The following LDLRAD3 variants were observed in gnomAD, a reference collection of about 807,000 sequenced individuals.
LDLRAD3 encodes low density lipoprotein receptor class A domain containing 3.
In LDLRAD3, 20 loss-of-function variants were observed where a neutral mutation model predicts 29.4. That is an observed-to-expected ratio of 0.68 (90% CI 0.48 to 0.99). The LOEUF is 0.99. Among genes scored for constraint, LDLRAD3 ranks in the 50% least tolerant of loss-of-function variants. The pLI is 0.00. For missense variants in LDLRAD3, 420 were observed against 454.3 expected (o/e 0.92, Z 0.69); for synonymous variants, 157 against 192.7 (o/e 0.81, Z 1.53).
intron 4 of LDLRAD3, among the ~76,000 whole-genome samples, chr11:36,149,582 G>A (rs1455344543): frequency 1.3e-5 from 2 of 152,184 alleles, no homozygotes; most frequent in East Asian, 1.9e-4. Context: ...GAATCTGTTC[G>A]CTGCTCCTAT....
Position 35,976,888 on chromosome 11 carries a change from A to C in LDLRAD3, c.46+32744A>C, listed in dbSNP as rs150026707. 5.1e-4 allele frequency among the ~76,000 whole-genome samples: 77 copies of C among 152,208 alleles called. 2 individuals carry two copies. In the East Asian group the frequency reaches 0.012, roughly 23 times the overall value. The stretch of plus-strand genomic sequence containing the variant: ...TGTGTACACACATGTCCATGCATGC[A>C]TGTGTCTGTGTTTAGCTGTGTTGCT... On this transcript the variant is annotated intron_variant, in intron 1 of 5. Coordinates refer to ENST00000315571, the MANE Select transcript of LDLRAD3 (RefSeq NM_174902.4).
At position 36,072,144 on chromosome 11, in the gene LDLRAD3, G is replaced by A. The variant is rs150734926; in HGVS notation, c.194-9509G>A. On this transcript the variant is annotated intron_variant, in intron 2 of 5. Transcript: ENST00000315571. ...GGGGCAGGAGTGGGAGGTGAGCAGG[G>A]GTTGAAGGTGAGTAGCTGTTGCTCA... Among the ~76,000 whole-genome samples, 7 of 152,288 alleles carry A rather than the reference G, an allele frequency of 4.6e-5. No homozygotes were observed. The East Asian group carries it at 1.4e-3, about 29-fold the overall frequency.
chr11:36,201,796 AAG>A (rs1855130440), intron 4 of LDLRAD3, among the ~76,000 whole-genome samples: 1 of 152,194 alleles, frequency 6.6e-6, no homozygotes, highest in Admixed American at 6.5e-5. Context: ...CAAAATATAA[AAG>A]AGGCAGTTGC....
chr11:36,177,813 G>A (rs1374186049), intron 4 of LDLRAD3, among the ~76,000 whole-genome samples: 1 of 152,206 alleles, frequency 6.6e-6, no homozygotes, highest in Non-Finnish European at 1.5e-5. Flanking sequence ...CTCCCGATTG[G>A]TTGGACTCCA....
At chr11:36,088,154 C>T (rs966026455) in intron 3 of LDLRAD3, among the ~76,000 whole-genome samples, 6 of 152,082 alleles carry the variant, frequency 3.9e-5, no homozygotes, top group Admixed American at 2.0e-4. Flanking sequence ...CCCACCCAGC[C>T]CCCCAAAACC....
intron 4 of LDLRAD3, among the ~76,000 whole-genome samples, chr11:36,217,045 TA>T (rs1359755282): frequency 6.6e-6 from 1 of 152,174 alleles, no homozygotes; most frequent in Non-Finnish European, 1.5e-5. Context: ...TCTCTGTTAA[TA>T]AAATGGCACA....
chr11:35,989,694 A>C (rs1851663577), intron 1 of LDLRAD3, among the ~76,000 whole-genome samples: 1 of 151,984 alleles, frequency 6.6e-6, no homozygotes, highest in Non-Finnish European at 1.5e-5. Context: ...TCTTGATTTG[A>C]CTCTCAGCTA....
intron 4 of LDLRAD3, among the ~76,000 whole-genome samples, chr11:36,190,147 TAAAAC>T (rs1390737040): frequency 6.6e-6 from 1 of 151,790 alleles, no homozygotes; most frequent in African/African-American, 2.4e-5. Flanking sequence ...GAAGGAAACT[TAAAAC>T]AGAAAAACCT....
chr11:36,129,016 G>C (rs1163738011), intron 4 of LDLRAD3, among the ~76,000 whole-genome samples: 1 of 152,132 alleles, frequency 6.6e-6, no homozygotes, highest in Non-Finnish European at 1.5e-5. Flanking sequence ...AATGGACAAA[G>C]TCAAGAGATG....
intron 4 of LDLRAD3, among the ~76,000 whole-genome samples, chr11:36,226,595 G>T (rs1855502148): frequency 6.6e-6 from 1 of 152,198 alleles, no homozygotes; most frequent in Non-Finnish European, 1.5e-5. Flanking sequence ...TTGCGGGGGG[G>T]AAATTTACCA....
chr11:36,040,737 C>T (rs1852370290), intron 2 of LDLRAD3, among the ~76,000 whole-genome samples: 1 of 152,156 alleles, frequency 6.6e-6, no homozygotes, highest in Admixed American at 6.5e-5. Flanking sequence ...CCTTTTCTGG[C>T]TCTTGACACC....
chr11:35,980,478 T>G (rs1851526879), intron 1 of LDLRAD3, among the ~76,000 whole-genome samples: 2 of 152,192 alleles, frequency 1.3e-5, no homozygotes. Flanking sequence ...GCTCCCCTAC[T>G]GTGAAGGTTA....
At chr11:35,958,362 C>A (rs553393193) in intron 1 of LDLRAD3, among the ~76,000 whole-genome samples, 1 of 152,114 alleles carries the variant, frequency 6.6e-6, no homozygotes, top group African/African-American at 2.4e-5. Flanking sequence ...AAAATTCTTA[C>A]GAAACAGATG....
chr11:36,039,159 C>T (rs262448), intron 2 of LDLRAD3, among the ~76,000 whole-genome samples: 100,851 of 151,698 alleles, frequency 0.66, 34,254 homozygotes, highest in Middle Eastern at 0.82. Flanking sequence ...TTAGTAGAGA[C>T]GGGGTTTCAC....
chr11:35,979,577 G>A (rs11825094), intron 1 of LDLRAD3, among the ~76,000 whole-genome samples: 2,054 of 152,240 alleles, frequency 0.013, 50 homozygotes, highest in African/African-American at 0.046. Flanking sequence ...TCAGGTTAGC[G>A]GAGCTTTAGA....
At chr11:35,972,165 A>G (rs1161613228) in intron 1 of LDLRAD3, among the ~76,000 whole-genome samples, 3 of 152,116 alleles carry the variant, frequency 2.0e-5, no homozygotes, top group Admixed American at 1.3e-4. Flanking sequence ...GTTAAGCACA[A>G]AACTCTGTGA....
At chr11:36,100,417 C>A (rs1333751009) in intron 4 of LDLRAD3, among the ~76,000 whole-genome samples, 1 of 152,182 alleles carries the variant, frequency 6.6e-6, no homozygotes, top group Non-Finnish European at 1.5e-5. Context: ...GATTGAGGAA[C>A]ATTTTCTATG....
chr11:36,169,963 A>G (rs757613557), intron 4 of LDLRAD3, among the ~76,000 whole-genome samples: 1 of 152,016 alleles, frequency 6.6e-6, no homozygotes, highest in Non-Finnish European at 1.5e-5. Context: ...TGGTACACCT[A>G]TCACCCGAGC....
intron 4 of LDLRAD3, among the ~76,000 whole-genome samples, chr11:36,162,945 G>A (rs1220332813): frequency 6.6e-6 from 1 of 152,218 alleles, no homozygotes; most frequent in African/African-American, 2.4e-5. Flanking sequence ...CAGCAGCTGT[G>A]ATGTTCAGCA....
Sources: allele counts gnomAD v4.1 joint callset (sites outside exome capture counted in the v4.1 genomes callset), GRCh38; gene constraint gnomAD v4.1.1; transcripts MANE v1.5; gene names NCBI Gene and HGNC (gene_info 2026-07-23, HGNC 2026-07-21).